The following LIPI variants were observed in gnomAD, a reference collection of about 807,000 sequenced individuals.
LIPI encodes the protein lipase member I.
A neutral mutation model predicts 50.6 loss-of-function variants in LIPI; 59 were observed. The observed-to-expected ratio is 1.16, with a 90% confidence interval of 0.94 to 1.45. The LOEUF (loss-of-function observed/expected upper bound fraction) is 1.45, where lower values mean the gene tolerates loss of function less well. LIPI is among the 40% of genes most tolerant of loss of function. The pLI is 0.00. For missense variants in LIPI, 586 were observed against 536.3 expected, an observed-to-expected ratio of 1.09 and a Z score of -0.92; for synonymous variants, 203 against 178.2, an observed-to-expected ratio of 1.14 and a Z score of -1.11.
chr21:14,206,699 C>T, intron 1 of LIPI: 1 of 679,508 alleles, frequency 1.5e-6, no homozygotes, highest in Non-Finnish European at 2.6e-6. Context: ...ACAATATTAA[C>T]CACATGATAA....
chr21:14,119,138 C>T (rs889613396), intron 9 of LIPI, among the ~76,000 whole-genome samples: 1 of 152,176 alleles, frequency 6.6e-6, no homozygotes, highest in East Asian at 1.9e-4. Flanking sequence ...TTGGGCCCAT[C>T]TCAGTATACC....
intron 7 of LIPI, among the ~76,000 whole-genome samples, chr21:14,156,893 T>TAATG (rs2018292217): frequency 6.6e-6 from 1 of 151,808 alleles, no homozygotes; most frequent in Non-Finnish European, 1.5e-5. Flanking sequence ...TATGGATGTC[T>TAATG]AATGGAATGA....
chr21:14,138,818 C>G (rs1266970796), intron 9 of LIPI, among the ~76,000 whole-genome samples: 1 of 151,930 alleles, frequency 6.6e-6, no homozygotes, highest in African/African-American at 2.4e-5. Flanking sequence ...CATTTTAGAT[C>G]TTTCATTTTA....
chr21:14,122,507 C>T (rs367591841), intron 9 of LIPI, among the ~76,000 whole-genome samples: 12 of 152,314 alleles, frequency 7.9e-5, no homozygotes, highest in African/African-American at 2.9e-4. Context: ...GCCTGTCAGG[C>T]TGCACACCTC....
At chr21:14,201,245 AC>A in intron 1 of LIPI, among the ~76,000 whole-genome samples, 1 of 152,142 alleles carries the variant, frequency 6.6e-6, no homozygotes, top group African/African-American at 2.4e-5. Context: ...TGCAACTAAA[AC>A]AAAAATTAAC....
intron 4 of LIPI, among the ~76,000 whole-genome samples, chr21:14,175,455 T>A (rs1204757756): frequency 1.3e-5 from 2 of 152,222 alleles, no homozygotes; most frequent in Admixed American, 6.5e-5. Flanking sequence ...TATTACTGAC[T>A]GATAGTAGGT....
At chr21:14,113,520 A>G (rs1324816341) in intron 9 of LIPI, among the ~76,000 whole-genome samples, 3 of 152,250 alleles carry the variant, frequency 2.0e-5, no homozygotes, top group Non-Finnish European at 2.9e-5. Flanking sequence ...AGAATTTTAA[A>G]ATTACCAAAG....
intron 8 of LIPI, among the ~76,000 whole-genome samples, chr21:14,147,064 A>G (rs995450790): frequency 9.9e-5 from 15 of 152,222 alleles, no homozygotes; most frequent in African/African-American, 3.6e-4. Context: ...AGCGTGAGCC[A>G]CCATGCCCAG....
intron 1 of LIPI, among the ~76,000 whole-genome samples, chr21:14,196,152 T>A (rs1306911161): frequency 2.0e-5 from 2 of 97,608 alleles, no homozygotes; most frequent in Admixed American, 1.0e-4. Flanking sequence ...TGACACCAAA[T>A]TGTAAAAAAA....
chr21:14,134,101 C>T (rs552845794), intron 9 of LIPI, among the ~76,000 whole-genome samples: 1 of 152,122 alleles, frequency 6.6e-6, no homozygotes, highest in East Asian at 1.9e-4. Context: ...CATGGTGGTG[C>T]ATGCCTGTGG....
chr21:14,152,604 G>A lies in LIPI; in HGVS notation c.1087C>T (p.Leu363Phe), dbSNP rs764811231. Reference sequence around the variant, plus strand: ...AGCCTTGGCTCTTCAATCATTCCAAGCTGATTTAATAATTTAAATGAAAAC... The same window carrying A: ...AGCCTTGGCTCTTCAATCATTCCAAACTGATTTAATAATTTAAATGAAAAC... The part of the protein sequence containing the change: ...GSFSFKLLNQ[L>F]GMIEEPRLYE... Residue 363 changes from leucine (L) to phenylalanine (F), a missense_variant, in exon 8 of 10, where the codon CTT becomes TTT. Coordinates refer to ENST00000681601, the MANE Select transcript of LIPI (RefSeq NM_001302998.2). The A allele has an allele frequency of 1.5e-5, 23 of 1,584,266 alleles. No homozygotes were observed. The highest frequency in any genetic ancestry group is 1.7e-5 in the Non-Finnish European group (20 of 1,154,624).
At chr21:14,152,791 AG>A (rs2018145501) in intron 7 of LIPI, 107 bp from the exon 8 acceptor site, 1 of 599,706 alleles carries the variant, frequency 1.7e-6, no homozygotes, top group Non-Finnish European at 3.0e-6. Flanking sequence ...TATGTAATCT[AG>A]GCTCATATTA....
chr21:14,152,590 T>C lies in LIPI; in HGVS notation c.1101A>G (p.Glu367=). Residue 367 remains glutamate, a synonymous_variant, in exon 8 of 10, where the codon GAA becomes GAG. Transcript: ENST00000681601. The stretch of plus-strand genomic sequence containing the variant: ...TTACTTACTCATAAAGCCTTGGCTC[T>C]TCAATCATTCCAAGCTGATTTAATA... The part of the protein sequence containing the change: ...FKLLNQLGMI[E]EPRLYEKNKP... 1 of 1,568,486 alleles carries C rather than the reference T, an allele frequency of 6.4e-7. No homozygotes were observed. Among genetic ancestry groups the C allele is most frequent in the Non-Finnish European group, 8.8e-7 (1 of 1,140,630 alleles).
At chr21:14,162,175 G>T (rs2018521922) in intron 7 of LIPI, among the ~76,000 whole-genome samples, 1 of 150,718 alleles carries the variant, frequency 6.6e-6, no homozygotes, top group South Asian at 2.1e-4. Context: ...ACTGATACAT[G>T]CTACATGGAT....
intron 4 of LIPI, among the ~76,000 whole-genome samples, chr21:14,167,814 TC>T (rs1389501217): frequency 6.6e-6 from 1 of 152,114 alleles, no homozygotes; most frequent in Non-Finnish European, 1.5e-5. Flanking sequence ...GTGCCTCTCC[TC>T]CTCCAAAGGA....
intron 1 of LIPI, among the ~76,000 whole-genome samples, chr21:14,190,948 C>T (rs2019649314): frequency 1.3e-5 from 2 of 152,112 alleles, no homozygotes; most frequent in East Asian, 1.9e-4. Context: ...CAGTAGGATC[C>T]TGGTGATAAA....
At chr21:14,168,084 C>A (rs1010459338) in intron 4 of LIPI, among the ~76,000 whole-genome samples, 1 of 152,000 alleles carries the variant, frequency 6.6e-6, no homozygotes, top group African/African-American at 2.4e-5. Flanking sequence ...GACTCAGGGG[C>A]CGATGCGATC....
chr21:14,186,375 T>C (rs532687226), intron 2 of LIPI, among the ~76,000 whole-genome samples: 67 of 152,306 alleles, frequency 4.4e-4, no homozygotes, highest in Non-Finnish European at 7.2e-4. Context: ...CATTACTAGG[T>C]GCTTACTTTC....
At chr21:14,136,121 T>C (rs2017490764) in intron 9 of LIPI, among the ~76,000 whole-genome samples, 1 of 152,096 alleles carries the variant, frequency 6.6e-6, no homozygotes. Context: ...ACAGCATTCA[T>C]CACCTGCTAA....
Sources: allele counts gnomAD v4.1 joint callset (sites outside exome capture counted in the v4.1 genomes callset), GRCh38; gene constraint gnomAD v4.1.1; transcripts MANE v1.5; gene names NCBI Gene and HGNC (gene_info 2026-07-23, HGNC 2026-07-21).